The following DLG2 variants were observed in gnomAD, a reference collection of about 807,000 sequenced individuals.
DLG2 encodes the protein discs large MAGUK scaffold protein 2.
DLG2 carries 45 observed loss-of-function variants against 132.5 expected under a neutral mutation model. The ratio of observed to expected loss-of-function variants is 0.34; its 90% confidence interval spans 0.27 to 0.44. The LOEUF is 0.44. DLG2 is among the 20% of genes least tolerant of loss of function. The probability of loss-of-function intolerance (pLI) is 1.00; values close to 1 mark genes in which losing one functional copy is unlikely to be tolerated. For synonymous variants in DLG2, 424 were observed against 419.6 expected (o/e 1.01, Z -0.13); for missense variants, 1,045 against 1,196.9 (o/e 0.87, Z 1.87).
chr11:85,062,364 T>C (rs1311522396), intron 6 of DLG2, among the ~76,000 whole-genome samples: 2 of 151,830 alleles, frequency 1.3e-5, no homozygotes, highest in African/African-American at 2.4e-5. Flanking sequence ...TTATTTGTAA[T>C]AGATAGACTT....
At chr11:84,037,019 C>T (rs2095881671) in intron 11 of DLG2, among the ~76,000 whole-genome samples, 2 of 152,088 alleles carry the variant, frequency 1.3e-5, no homozygotes, top group Admixed American at 1.3e-4. Flanking sequence ...ATCTGAAATG[C>T]TTATTATCAG....
At chr11:83,959,221 T>TA (rs532720062) in intron 14 of DLG2, among the ~76,000 whole-genome samples, 1 of 152,106 alleles carries the variant, frequency 6.6e-6, no homozygotes, top group Non-Finnish European at 1.5e-5. Context: ...AGAAATAGAT[T>TA]AAAAAATCTA....
At chr11:84,839,610 T>C (rs893040560) in intron 6 of DLG2, among the ~76,000 whole-genome samples, 3 of 152,092 alleles carry the variant, frequency 2.0e-5, no homozygotes, top group Admixed American at 2.0e-4. Flanking sequence ...AAGGCTACAG[T>C]AACCAACATA....
intron 6 of DLG2, among the ~76,000 whole-genome samples, chr11:85,034,926 A>C (rs1044319982): frequency 6.6e-6 from 1 of 152,154 alleles, no homozygotes; most frequent in Non-Finnish European, 1.5e-5. Flanking sequence ...CTGCATTTGA[A>C]TTAAGGTAAA....
rs368604363 is a variant in DLG2 at position 85,551,970 on chromosome 11, T to C, written c.40+46687A>G. ...GGGAAAAGAGAGTATCAGGTCCAAA[T>C]ATATATACCCCTAAGGCCTTGAGAT... On this transcript the variant is annotated intron_variant, in intron 3 of 27. Coordinates refer to ENST00000376104, the MANE Select transcript of DLG2 (RefSeq NM_001142699.3). Among the ~76,000 whole-genome samples, 3 of 151,148 alleles carry C rather than the reference T, an allele frequency of 2.0e-5. No individual in the cohort carries two copies. The East Asian group carries it at 5.8e-4, about 29-fold the overall frequency.
chr11:83,913,510 T>TTAA (rs1232345137), intron 15 of DLG2, among the ~76,000 whole-genome samples: 2 of 151,924 alleles, frequency 1.3e-5, no homozygotes, highest in Admixed American at 6.6e-5. Flanking sequence ...AATCAAGTAA[T>TTAA]TAATAATAAT....
intron 3 of DLG2, among the ~76,000 whole-genome samples, chr11:85,589,358 T>C (rs540869485): frequency 1.9e-4 from 29 of 152,230 alleles, no homozygotes; most frequent in African/African-American, 6.3e-4. Context: ...AGAGGGGGGA[T>C]ATAAGCTTGC....
chr11:84,187,118 T>C (rs1364665061), intron 8 of DLG2, among the ~76,000 whole-genome samples: 1 of 149,426 alleles, frequency 6.7e-6, no homozygotes, highest in African/African-American at 2.4e-5. Flanking sequence ...TATATCTTTA[T>C]ATAAATATAT....
intron 6 of DLG2, among the ~76,000 whole-genome samples, chr11:85,063,519 A>G (rs1341843718): frequency 6.6e-6 from 1 of 151,806 alleles, no homozygotes; most frequent in African/African-American, 2.4e-5. Context: ...AGGCAATCAC[A>G]GTGAAAAACG....
intron 4 of DLG2, among the ~76,000 whole-genome samples, chr11:85,251,328 G>A (rs762327652): frequency 1.5e-4 from 23 of 152,052 alleles, no homozygotes; most frequent in Admixed American, 9.2e-4. Context: ...CTCATCTGTG[G>A]GAATTATACT....
At chr11:85,261,194 A>G (rs778673417) in intron 4 of DLG2, among the ~76,000 whole-genome samples, 1 of 152,124 alleles carries the variant, frequency 6.6e-6, no homozygotes, top group Non-Finnish European at 1.5e-5. Flanking sequence ...GAAGTTTTAT[A>G]GGGTCATGCT....
intron 7 of DLG2, among the ~76,000 whole-genome samples, chr11:84,255,796 C>G (rs2097459302): frequency 6.6e-6 from 1 of 151,948 alleles, no homozygotes; most frequent in African/African-American, 2.4e-5. Flanking sequence ...CAAGATTTAT[C>G]TTTATATACA....
intron 6 of DLG2, among the ~76,000 whole-genome samples, chr11:84,667,497 T>A (rs28448383): frequency 2.0e-4 from 7 of 35,262 alleles, no homozygotes; most frequent in Non-Finnish European, 4.9e-5. Flanking sequence ...TTTTGTTTTT[T>A]GTTTTTTTTT....
intron 18 of DLG2, among the ~76,000 whole-genome samples, chr11:83,713,248 A>G (rs1349965618): frequency 6.6e-6 from 1 of 152,198 alleles, no homozygotes; most frequent in Non-Finnish European, 1.5e-5. Flanking sequence ...CCAGCTCCAG[A>G]TTCCACAATT....
At chr11:83,471,549 G>C (rs2092025972) in intron 24 of DLG2, 77 bp downstream of exon 24, 1 of 1,043,726 alleles carries the variant, frequency 9.6e-7, no homozygotes, top group Non-Finnish European at 1.5e-6. Flanking sequence ...ACTGGAGGAT[G>C]GAATTACATT....
chr11:84,780,529 C>T (rs1416210163), intron 6 of DLG2, among the ~76,000 whole-genome samples: 1 of 152,052 alleles, frequency 6.6e-6, no homozygotes, highest in East Asian at 1.9e-4. Flanking sequence ...TTATAAGAAA[C>T]TGCCAAACTG....
intron 9 of DLG2, among the ~76,000 whole-genome samples, chr11:84,112,560 T>A (rs772319073): frequency 2.0e-4 from 31 of 152,112 alleles, no homozygotes; most frequent in African/African-American, 5.3e-4. Context: ...CTAGAGATTT[T>A]TTTCTGGCGG....
chr11:85,465,147 A>ATT (rs561640411), intron 3 of DLG2, among the ~76,000 whole-genome samples: 2 of 89,834 alleles, frequency 2.2e-5, no homozygotes, highest in African/African-American at 7.7e-5. Context: ...ACAATATAAG[A>ATT]TTTTTTTTTT....
chr11:84,041,654 T>A (rs1160817), intron 11 of DLG2, among the ~76,000 whole-genome samples: 2 of 152,062 alleles, frequency 1.3e-5, no homozygotes, highest in Non-Finnish European at 1.5e-5. Context: ...TAGAATTTCC[T>A]AATTTTAATA....
Sources: allele counts gnomAD v4.1 joint callset (sites outside exome capture counted in the v4.1 genomes callset), GRCh38; gene constraint gnomAD v4.1.1; transcripts MANE v1.5; gene names NCBI Gene and HGNC (gene_info 2026-07-23, HGNC 2026-07-21).